Variants in DHRS13 observed in about 807,000 individuals in gnomAD.
The protein encoded by DHRS13 is dehydrogenase/reductase 13, also known as dehydrogenase/reductase SDR family member 13.
DHRS13 carries 22 observed loss-of-function variants against 17.9 expected under a neutral mutation model. The observed-to-expected ratio is 1.23, with a 90% confidence interval of 0.88 to 1.75. DHRS13 has a LOEUF of 1.75. DHRS13 is among the 40% of genes most tolerant of loss of function. The probability of loss-of-function intolerance (pLI) is 0.00; values close to 1 mark genes in which losing one functional copy is unlikely to be tolerated. For synonymous variants in DHRS13, 206 were observed against 220.4 expected (o/e 0.93, Z 0.58); for missense variants, 483 against 519.9 (o/e 0.93, Z 0.69).
chr17:28,898,450 C>A lies in DHRS13; in HGVS notation c.1125G>T (p.Gln375His). ...RIQAKVEPEI[Q>H]LS The stretch of plus-strand genomic sequence containing the variant: ...CATCCTGGCCTGAGGGTTAGGAGAG[C>A]TGGATCTCAGGCTCAACTTTAGCCT... The change falls in exon 5 of 5, where the codon CAG becomes CAT. Residue 375 changes from glutamine (Q) to histidine (H), a missense_variant. By Grantham distance (24) the Gln-to-His change is conservative (BLOSUM62 0). Coordinates refer to ENST00000378895, the MANE Select transcript of DHRS13 (RefSeq NM_144683.4). 1 of 1,555,744 alleles carries A rather than the reference C, an allele frequency of 6.4e-7. No homozygotes were observed. Among genetic ancestry groups the A allele is most frequent in the South Asian group, 1.2e-5 (1 of 84,394 alleles).
chr17:28,901,432 G>C lies in DHRS13; in HGVS notation c.370+61C>G, dbSNP rs967606736. 1.9e-6 allele frequency: 3 copies of C among 1,609,438 alleles called. No homozygotes were observed. Among genetic ancestry groups the C allele is most frequent in the Non-Finnish European group, 2.5e-6 (3 of 1,178,240 alleles). On this transcript the variant is annotated intron_variant, in intron 3 of 4. Transcript: ENST00000378895. The surrounding 1 kb of genome is among the most constrained non-coding windows in gnomAD (Gnocchi z 4.3). ...TGGCCCCAGCAGGGCCCCCGCTGGA[G>C]GGGGCAGTTGCCCCTGGCCACCCGC...
chr17:28,902,819 C>A lies in DHRS13; in HGVS notation c.126G>T (p.Thr42=). ...GCACTCACCCGCCTCCGCACTCACC[C>A]GTGACCACGGCCGTGCGGCCCCGCA... ...GNLRGRTAVV[T]GANSGIGKMT... The change falls in exon 1 of 5, where the codon ACG becomes ACT. Residue 42 remains threonine, a splice_region_variant and synonymous_variant. Coordinates refer to ENST00000378895, the MANE Select transcript of DHRS13 (RefSeq NM_144683.4). The surrounding 1 kb of genome is among the most constrained non-coding windows in gnomAD (Gnocchi z 4.0). 3 of 1,537,240 alleles carry A rather than the reference C, an allele frequency of 2.0e-6. No homozygotes were observed. Among genetic ancestry groups the A allele is most frequent in the East Asian group, 2.7e-5 (1 of 37,202 alleles).
At position 28,902,346 on chromosome 17, in the gene DHRS13, A is replaced by G. The variant is rs933055686; in HGVS notation, c.246+237T>C. ...CCTACTGATCATTAACCCAACTTCTACTGATGCTTAAACGTCTCAGAACTG... is the reference window on the plus strand; with the variant it reads ...CCTACTGATCATTAACCCAACTTCTGCTGATGCTTAAACGTCTCAGAACTG... On this transcript the variant is annotated intron_variant, in intron 2 of 4. Transcript: ENST00000378895. The surrounding 1 kb of genome is among the most constrained non-coding windows in gnomAD (Gnocchi z 4.0). 6.6e-5 allele frequency among the ~76,000 whole-genome samples: 10 copies of G among 152,008 alleles called. No homozygotes were observed. The highest frequency in any genetic ancestry group is 1.9e-4 in the African/African-American group (8 of 41,430).
In DHRS13 at chr17:28,901,134, AGTCAAGAC is replaced by A. The variant is rs1364195624; in HGVS notation, c.530_537del (p.Arg177LeufsTer20). On this transcript the variant is annotated frameshift_variant, in exon 4 of 5. Coordinates refer to ENST00000378895, the MANE Select transcript of DHRS13 (RefSeq NM_144683.4). LOFTEE classifies it high-confidence loss of function. The surrounding 1 kb of genome is among the most constrained non-coding windows in gnomAD (Gnocchi z 4.3). ...ACCACTGGGCGGTCCAGGCGTTTGA[AGTCAAGAC>A]GTCCCCGACAGTGGGCAGCTGAGGC... 3 of 1,614,164 alleles carry A rather than the reference AGTCAAGAC, an allele frequency of 1.9e-6. No individual in the cohort carries two copies. The highest frequency in any genetic ancestry group is 2.5e-6 in the Non-Finnish European group (3 of 1,180,014).
At position 28,898,068 on chromosome 17, in the gene DHRS13, C is replaced by G. The variant is rs2039774093; in HGVS notation, c.*373G>C. On this transcript the variant is annotated 3_prime_UTR_variant, in exon 5 of 5. Transcript: ENST00000378895. ...GGGGTAATTTAACTACCTAGCTAGACGGTTGCAAAGGGATCAGTTCACTAA... is the reference window on the plus strand; with the variant it reads ...GGGGTAATTTAACTACCTAGCTAGAGGGTTGCAAAGGGATCAGTTCACTAA... 1 of 252,566 alleles carries G rather than the reference C, an allele frequency of 4.0e-6. No individual in the cohort carries two copies. Among genetic ancestry groups the G allele is most frequent in the South Asian group, 5.1e-5 (1 of 19,678 alleles). 15.6% of individuals were successfully genotyped at this position (252,566 alleles called of 1,614,324 possible).
rs1412478436 is a variant in DHRS13 at position 28,898,900 on chromosome 17, C to A, written c.683-8G>T. ...GCTCCGAGTTCACAGGCCCTGTAGG[C>A]AGGAAGAAAGAAAGGAGTCGGGCTA... On this transcript the variant is annotated splice_region_variant and splice_polypyrimidine_tract_variant and intron_variant, in intron 4 of 4. Coordinates refer to ENST00000378895, the MANE Select transcript of DHRS13 (RefSeq NM_144683.4). 1 of 1,562,160 alleles carries A rather than the reference C, an allele frequency of 6.4e-7. No individual in the cohort carries two copies. The highest frequency in any genetic ancestry group is 8.7e-7 in the Non-Finnish European group (1 of 1,155,516).
In DHRS13 at chr17:28,898,384, C is replaced by T; in HGVS notation, c.*57G>A. The T allele has an allele frequency of 6.6e-7, 1 of 1,522,364 alleles. No individual in the cohort carries two copies. Among genetic ancestry groups the T allele is most frequent in the South Asian group, 1.2e-5 (1 of 80,504 alleles). 94.3% of individuals were successfully genotyped at this position (1,522,364 alleles called of 1,614,324 possible). ...TCAGTGTCCAGGGCATGGCCTCGCA[C>T]ACATCCGAGGTTTTCAAGGACCATG... On this transcript the variant is annotated 3_prime_UTR_variant, in exon 5 of 5. Coordinates refer to ENST00000378895, the MANE Select transcript of DHRS13 (RefSeq NM_144683.4).
At position 28,902,882 on chromosome 17, in the gene DHRS13, G is replaced by C. The variant is rs763967257; in HGVS notation, c.63C>G (p.Asn21Lys). Residue 21 changes from asparagine (N) to lysine (K), a missense_variant, in exon 1 of 5, where the codon AAC becomes AAG. Transcript: ENST00000378895. The surrounding 1 kb of genome is among the most constrained non-coding windows in gnomAD (Gnocchi z 4.0). ...LLGAYVLVYYNLVKAPPCGGM... is the reference protein window; with the variant it reads ...LLGAYVLVYYKLVKAPPCGGM... ...CGCCGCACGGCGGGGCCTTCACCAG[G>C]TTGTAGTAGACAAGCACGTAAGCGC... 1 of 1,556,114 alleles carries C rather than the reference G, an allele frequency of 6.4e-7. No individual in the cohort carries two copies. Among genetic ancestry groups the C allele is most frequent in the Non-Finnish European group, 8.6e-7 (1 of 1,159,338 alleles).
Position 28,901,699 on chromosome 17 carries a change from TCTC to T in DHRS13, c.247-86_247-84del. The stretch of plus-strand genomic sequence containing the variant: ...CCAGGCACCAAATTCTGAGAGTCCA[TCTC>T]CTACTGTTTACTAAAATCTGCCCCT... On this transcript the variant is annotated intron_variant, in intron 2 of 4. Transcript: ENST00000378895. This position sits in a 1 kb window ranked among gnomAD's most constrained non-coding sequence, Gnocchi z 4.3. 1 of 1,572,002 alleles carries T rather than the reference TCTC, an allele frequency of 6.4e-7. No homozygotes were observed.
rs2039790025 is a variant in DHRS13 at position 28,899,478 on chromosome 17, T to A, written c.683-586A>T. Reference sequence around the variant, plus strand: ...AGTATGGTAATATGAATATGACAGATCTTGTTATCCTGGTATAACCTCTTC... The same window carrying A: ...AGTATGGTAATATGAATATGACAGAACTTGTTATCCTGGTATAACCTCTTC... On this transcript the variant is annotated intron_variant, in intron 4 of 4. Coordinates refer to ENST00000378895, the MANE Select transcript of DHRS13 (RefSeq NM_144683.4). This position sits in a 1 kb window ranked among gnomAD's most constrained non-coding sequence, Gnocchi z 4.7. 1.3e-5 allele frequency: 2 copies of A among 152,420 alleles called. No individual in the cohort carries two copies. Among genetic ancestry groups the A allele is most frequent in the African/African-American group, 4.8e-5 (2 of 41,452 alleles). The allele number at this position is 152,420 out of a possible 1,614,324, so 9.4% of individuals were successfully genotyped here.
Position 28,901,364 on chromosome 17 carries a change from A to G in DHRS13, c.371-63T>C. The stretch of plus-strand genomic sequence containing the variant: ...GGAGCTCTGCAGCCTTGGCATCCCT[A>G]TCTATGAGATGGGAGAAGGGGGCAT... On this transcript the variant is annotated intron_variant, in intron 3 of 4. Transcript: ENST00000378895. This position sits in a 1 kb window ranked among gnomAD's most constrained non-coding sequence, Gnocchi z 4.3. 1.3e-6 allele frequency: 2 copies of G among 1,582,348 alleles called. No homozygotes were observed. The highest frequency in any genetic ancestry group is 1.7e-4 in the Middle Eastern group (1 of 5,842).
chr17:28,898,574 G>T lies in DHRS13; in HGVS notation c.1001C>A (p.Ser334Tyr), dbSNP rs2039779518. The part of the protein sequence containing the change: ...DPQSEDSEAP[S>Y]SLSTPHPEEP... The stretch of plus-strand genomic sequence containing the variant: ...CTCAGGGTGGGGGGTGCTTAGAGAA[G>T]ATGGGGCCTCTGAGTCCTCAGACTG... The change falls in exon 5 of 5, where the codon TCT (serine) becomes TAT (tyrosine). Residue 334 changes from serine (S) to tyrosine (Y), a missense_variant. Ser to Tyr is a moderately radical substitution (Grantham distance 144, BLOSUM62 -2). Coordinates refer to ENST00000378895, the MANE Select transcript of DHRS13 (RefSeq NM_144683.4). 6.2e-7 allele frequency: 1 copy of T among 1,612,372 alleles called. No homozygotes were observed. Among genetic ancestry groups the T allele is most frequent in the African/African-American group, 1.3e-5 (1 of 74,752 alleles).
Position 28,901,279 on chromosome 17 carries a change from G to A in DHRS13, c.393C>T (p.Thr131=). 2 of 1,610,564 alleles carry A rather than the reference G, an allele frequency of 1.2e-6. No individual in the cohort carries two copies. The highest frequency in any genetic ancestry group is 1.7e-6 in the Non-Finnish European group (2 of 1,177,594). The change falls in exon 4 of 5, where the codon ACC becomes ACT. Residue 131 remains threonine (T), a synonymous_variant. Transcript: ENST00000378895. This position sits in a 1 kb window ranked among gnomAD's most constrained non-coding sequence, Gnocchi z 4.3. ...HNAGISSCGR[T]REAFNLLLRV... ...GAAGCAGCAGGTTAAACGCCTCACG[G>A]GTCCGGCCACAGGAACTGATACCTG...
Position 28,901,163 on chromosome 17 carries a change from G to A in DHRS13, c.509C>T (p.Ser170Leu). ...AAGACGTCCCCGACAGTGGGCAGCT[G>A]AGGCTACCACCACCACGCGGCTAGG... ...CAPSRVVVVA[S>L]AAHCRGRLDF... Residue 170 changes from serine to leucine, a missense_variant, in exon 4 of 5, where the codon TCA becomes TTA. Ser to Leu is a moderately radical substitution (Grantham distance 145). Transcript: ENST00000378895. The surrounding 1 kb of genome is among the most constrained non-coding windows in gnomAD (Gnocchi z 4.3). 1.2e-6 allele frequency: 2 copies of A among 1,614,190 alleles called. No individual in the cohort carries two copies. Among genetic ancestry groups the A allele is most frequent in the South Asian group, 1.1e-5 (1 of 91,092 alleles).
chr17:28,902,552 C>T lies in DHRS13; in HGVS notation c.246+31G>A, dbSNP rs971830780. On this transcript the variant is annotated intron_variant, in intron 2 of 4. Transcript: ENST00000378895. The surrounding 1 kb of genome is among the most constrained non-coding windows in gnomAD (Gnocchi z 4.0). Reference sequence around the variant, plus strand: ...TCTGTGTCCCGGCGGGTTCTCGGCTCACCGTCCCACGCGCCCCCGCTGCCT... The same window carrying T: ...TCTGTGTCCCGGCGGGTTCTCGGCTTACCGTCCCACGCGCCCCCGCTGCCT... The T allele has an allele frequency of 3.4e-6, 5 of 1,462,268 alleles. No individual in the cohort carries two copies. The highest frequency in any genetic ancestry group is 3.0e-5 in the East Asian group (1 of 33,456). The allele number at this position is 1,462,268 out of a possible 1,614,324, so 90.6% of individuals were successfully genotyped here. A position where few individuals can be genotyped will look rare whatever the true frequency, so the allele number is the denominator to read the frequency against.
rs796412486 is a variant in DHRS13, at chr17:28,902,632, G to A, written c.197C>T (p.Ala66Val). The change falls in exon 2 of 5, where the codon GCC becomes GTC. Residue 66 changes from alanine (A) to valine (V), a missense_variant. Physicochemically the swap from Ala to Val is moderately conservative, Grantham distance 64. Transcript: ENST00000378895. This position sits in a 1 kb window ranked among gnomAD's most constrained non-coding sequence, Gnocchi z 4.0. ...LARRGARVVLACRSQERGEAA... is the reference protein window; with the variant it reads ...LARRGARVVLVCRSQERGEAA... ...CTCCCCGCGCTCCTGGCTGCGGCAG[G>A]CCAGCACCACGCGCGCTCCCCGGCG... 14 of 1,458,074 alleles carry A rather than the reference G, an allele frequency of 9.6e-6. No individual in the cohort carries two copies. Among genetic ancestry groups the A allele is most frequent in the East Asian group, 3.0e-5 (1 of 33,082 alleles). The allele number at this position is 1,458,074 out of a possible 1,614,324, so 90.3% of individuals were successfully genotyped here.
At position 28,898,851 on chromosome 17, in the gene DHRS13, A is replaced by ATCC; in HGVS notation, c.721_723dup (p.Gly241dup). 1 of 1,602,770 alleles carries ATCC rather than the reference A, an allele frequency of 6.2e-7. No individual in the cohort carries two copies. Among genetic ancestry groups the ATCC allele is most frequent in the East Asian group, 2.2e-5 (1 of 44,528 alleles). On this transcript the variant is annotated inframe_insertion, in exon 5 of 5. Transcript: ENST00000378895. The stretch of plus-strand genomic sequence containing the variant: ...AATGGGCGCAAAAGTGGGCGCAGCC[A>ATCC]TCCAGGAACATGGCGCAGGAACAGC...
At position 28,901,839 on chromosome 17, in the gene DHRS13, T is replaced by C; in HGVS notation, c.247-223A>G. On this transcript the variant is annotated intron_variant, in intron 2 of 4. Transcript: ENST00000378895. This position sits in a 1 kb window ranked among gnomAD's most constrained non-coding sequence, Gnocchi z 4.3. ...TCTCTCTGGGTCTCAGTTCTCTCAC[T>C]GCGTAAAGGGAATAATAATAACAAC... 3 of 612,504 alleles carry C rather than the reference T, an allele frequency of 4.9e-6. No individual in the cohort carries two copies. Among genetic ancestry groups the C allele is most frequent in the South Asian group, 2.2e-5 (1 of 45,656 alleles). 37.9% of individuals were successfully genotyped at this position (612,504 alleles called of 1,614,324 possible). A position where few individuals can be genotyped will look rare whatever the true frequency, so the allele number is the denominator to read the frequency against.
rs2039774965 is a variant in DHRS13 at position 28,898,158 on chromosome 17, C to G, written c.*283G>C. Reference sequence around the variant, plus strand: ...CCTCTGCTCCAGAGCTGATCAGAATCAATAAGGGTGGGGCCTGAAAATACT... The same window carrying G: ...CCTCTGCTCCAGAGCTGATCAGAATGAATAAGGGTGGGGCCTGAAAATACT... On this transcript the variant is annotated 3_prime_UTR_variant, in exon 5 of 5. Transcript: ENST00000378895. 2.2e-6 allele frequency: 1 copy of G among 458,320 alleles called. No individual in the cohort carries two copies. Among genetic ancestry groups the G allele is most frequent in the South Asian group, 2.6e-5 (1 of 37,736 alleles). 28.4% of individuals were successfully genotyped at this position (458,320 alleles called of 1,614,324 possible). A position where few individuals can be genotyped will look rare whatever the true frequency, so the allele number is the denominator to read the frequency against.
Sources: allele counts gnomAD v4.1 joint callset (sites outside exome capture counted in the v4.1 genomes callset), GRCh38; gene constraint gnomAD v4.1.1; non-coding constraint Gnocchi (gnomAD v3.1); transcripts MANE v1.5; gene names NCBI Gene and HGNC (gene_info 2026-07-23, HGNC 2026-07-21).